KIF13B: variants seen among roughly 807,000 people sequenced by gnomAD.
KIF13B encodes kinesin-like protein KIF13B.
KIF13B carries 127 observed loss-of-function variants against 222.0 expected under a neutral mutation model. That is an observed-to-expected ratio of 0.57 (90% CI 0.50 to 0.66). The LOEUF is 0.66. Ranked by LOEUF, KIF13B falls within the 30% of genes least tolerant of loss-of-function variation. The pLI is 0.00. For missense variants in KIF13B, 2,173 were observed against 2,379.0 expected (o/e 0.91, Z 1.80); for synonymous variants, 976 against 919.0 (o/e 1.06, Z -1.12).
At chr8:29,183,174 T>TG (rs924618138) in intron 6 of KIF13B, among the ~76,000 whole-genome samples, 4 of 146,804 alleles carry the variant, frequency 2.7e-5, no homozygotes, top group Non-Finnish European at 4.4e-5. Flanking sequence ...GTTTGTTTTT[T>TG]TTTTTTTTTT....
intron 37 of KIF13B, among the ~76,000 whole-genome samples, chr8:29,088,580 A>G (rs1355391847): frequency 6.6e-6 from 1 of 152,160 alleles, no homozygotes; most frequent in Non-Finnish European, 1.5e-5. Context: ...AGTTTGTGAA[A>G]ATTGTGAAAA....
chr8:29,181,455 T>C (rs1295365241), intron 7 of KIF13B, among the ~76,000 whole-genome samples: 1 of 152,222 alleles, frequency 6.6e-6, no homozygotes, highest in Non-Finnish European at 1.5e-5. Flanking sequence ...CTCTGATACA[T>C]TTTTTTAATG....
intron 35 of KIF13B, among the ~76,000 whole-genome samples, chr8:29,107,926 T>C (rs1809168901): frequency 1.3e-5 from 2 of 152,130 alleles, no homozygotes; most frequent in African/African-American, 2.4e-5. Context: ...AGCAGAAAAA[T>C]TGTTTTTCAA....
At chr8:29,232,540 G>T (rs1375732996) in intron 2 of KIF13B, among the ~76,000 whole-genome samples, 7 of 151,780 alleles carry the variant, frequency 4.6e-5, no homozygotes, top group South Asian at 4.1e-4. Flanking sequence ...CAAAAATAAA[G>T]TTAGTCTTGC....
chr8:29,071,857 G>T lies in KIF13B; in HGVS notation c.4981C>A (p.Arg1661Ser), dbSNP rs755491671. The change falls in exon 39 of 40, where the codon CGC becomes AGC. Residue 1661 changes from arginine (R) to serine (S), a missense_variant. Arg to Ser is a moderately radical substitution (Grantham distance 110, BLOSUM62 -1). This residue lies in a region of KIF13B where 693 missense variants were observed against 656.2 expected (regional missense o/e 1.06). Coordinates refer to ENST00000524189, the MANE Select transcript of KIF13B (RefSeq NM_015254.4). This position sits in a 1 kb window ranked among gnomAD's most constrained non-coding sequence, Gnocchi z 4.9. Reference protein sequence around the residue: ...VRASELRSFSRMLAGDPGCSP... With the variant: ...VRASELRSFSSMLAGDPGCSP... ...CAGCCGGGGTCCCCAGCCAGCATGCGCGAGAAGGAGCGCAACTCCGAGGCC... is the reference window on the plus strand; with the variant it reads ...CAGCCGGGGTCCCCAGCCAGCATGCTCGAGAAGGAGCGCAACTCCGAGGCC... 2.9e-5 allele frequency: 45 copies of T among 1,536,846 alleles called. No individual in the cohort carries two copies. Among genetic ancestry groups the T allele is most frequent in the Non-Finnish European group, 3.6e-5 (41 of 1,145,796 alleles).
At position 29,167,469 on chromosome 8, in the gene KIF13B, T is replaced by C. The variant is rs1289072017; in HGVS notation, c.1062A>G (p.Val354=). 1 of 1,613,936 alleles carries C rather than the reference T, an allele frequency of 6.2e-7. No individual in the cohort carries two copies. Among genetic ancestry groups the C allele is most frequent in the South Asian group, 1.1e-5 (1 of 91,072 alleles). ...LRYADRAKHI[V]NHAVVNEDPN... ...GGTCCTCATTCACCACAGCGTGGTT[T>C]ACAATGTGCTTGGCTCGATCTGCAT... The change falls in exon 11 of 40, where the codon GTA becomes GTG. Residue 354 remains valine, a synonymous_variant. Transcript: ENST00000524189.
chr8:29,178,647 T>A (rs1208365510), intron 8 of KIF13B, among the ~76,000 whole-genome samples: 1 of 94,930 alleles, frequency 1.1e-5, no homozygotes, highest in Non-Finnish European at 2.5e-5. Context: ...AAAAGTACTT[T>A]TAGTTAAAAA....
intron 38 of KIF13B, among the ~76,000 whole-genome samples, chr8:29,073,494 T>A (rs1320226728): frequency 2.6e-5 from 4 of 152,206 alleles, no homozygotes; most frequent in African/African-American, 9.6e-5. Flanking sequence ...GGCTGCCAGA[T>A]CATCTTTCTA....
At chr8:29,091,158 C>G (rs1334002736) in intron 37 of KIF13B, among the ~76,000 whole-genome samples, 1 of 152,198 alleles carries the variant, frequency 6.6e-6, no homozygotes, top group African/African-American at 2.4e-5. Flanking sequence ...CTATATATTT[C>G]AAGGTAACCT....
At chr8:29,241,022 T>C (rs1294943331) in intron 2 of KIF13B, among the ~76,000 whole-genome samples, 2 of 152,180 alleles carry the variant, frequency 1.3e-5, no homozygotes, top group Non-Finnish European at 2.9e-5. Flanking sequence ...AACTGCATTA[T>C]CCATGAAGCC....
At chr8:29,235,691 C>T (rs993316027) in intron 2 of KIF13B, among the ~76,000 whole-genome samples, 3 of 152,108 alleles carry the variant, frequency 2.0e-5, no homozygotes, top group Non-Finnish European at 2.9e-5. Context: ...GTGGGATAAA[C>T]ATATAAAAGA....
chr8:29,160,374 C>T (rs1811721832), intron 13 of KIF13B, among the ~76,000 whole-genome samples: 1 of 152,146 alleles, frequency 6.6e-6, no homozygotes, highest in East Asian at 1.9e-4. Flanking sequence ...ACACTGCTCA[C>T]AAAAGAATGT....
Position 29,211,679 on chromosome 8 carries a change from G to GA in KIF13B, c.150-15481_150-15480insT, listed in dbSNP as rs1466602425. 2.0e-5 allele frequency among the ~76,000 whole-genome samples: 3 copies of GA among 152,348 alleles called. No homozygotes were observed. In the East Asian group the frequency reaches 5.8e-4, roughly 29 times the overall value. ...GAAACAACTAGTACTGAGGAAGCAT[G>GA]TGTAAGCTGGACAATTCCCAGAGCT... On this transcript the variant is annotated intron_variant, in intron 2 of 39. Coordinates refer to ENST00000524189, the MANE Select transcript of KIF13B (RefSeq NM_015254.4).
At chr8:29,090,364 T>G (rs1295535197) in intron 37 of KIF13B, among the ~76,000 whole-genome samples, 1 of 152,096 alleles carries the variant, frequency 6.6e-6, no homozygotes, top group East Asian at 1.9e-4. Flanking sequence ...GGAAACAGGT[T>G]TAAAAACAAA....
rs145715439 is a variant in KIF13B, at chr8:29,165,751, T to G, written c.1180A>C (p.Lys394Gln). 3.2e-4 allele frequency: 516 copies of G among 1,613,338 alleles called. 3 individuals carry two copies. The highest frequency in any genetic ancestry group is 3.7e-4 in the Non-Finnish European group (431 of 1,179,266). Reference protein sequence around the residue: ...KAEAMKSPELKDRLEESEKLI... With the variant: ...KAEAMKSPELQDRLEESEKLI... ...TTCTCAGATTCTTCCAGCCGGTCCT[T>G]TAGCTCTGGAGATTTCATTGCCTAC... The change falls in exon 12 of 40, where the codon AAG becomes CAG. Residue 394 changes from lysine (K) to glutamine (Q), a missense_variant. By Grantham distance (53) the Lys-to-Gln change is moderately conservative. Around this residue, in one of 2 missense-constraint regions of KIF13B, gnomAD observed 1,480 missense variants for 1,722.8 expected, o/e 0.86. Coordinates refer to ENST00000524189, the MANE Select transcript of KIF13B (RefSeq NM_015254.4).
At chr8:29,214,043 T>C (rs1563794976) in intron 2 of KIF13B, among the ~76,000 whole-genome samples, 2 of 152,280 alleles carry the variant, frequency 1.3e-5, no homozygotes, top group East Asian at 3.9e-4. Flanking sequence ...GTCTAGGGCA[T>C]TTACCATCAA....
At chr8:29,203,430 T>A (rs1401301594) in intron 2 of KIF13B, among the ~76,000 whole-genome samples, 10 of 152,220 alleles carry the variant, frequency 6.6e-5, no homozygotes, top group Non-Finnish European at 1.5e-5. Context: ...CCCTAGACAC[T>A]ATCTTTCTTA....
chr8:29,205,203 A>T lies in KIF13B; in HGVS notation c.150-9004T>A, dbSNP rs73224680. Among the ~76,000 whole-genome samples, 653 of 118,278 alleles carry T rather than the reference A, an allele frequency of 5.5e-3. 1 individual carries two copies. Among genetic ancestry groups the T allele is most frequent in the African/African-American group, 0.017 (599 of 35,388 alleles). 77.6% of individuals were successfully genotyped at this position (118,278 alleles called of 152,430 possible). A position where few individuals can be genotyped will look rare whatever the true frequency, so the allele number is the denominator to read the frequency against. On this transcript the variant is annotated intron_variant, in intron 2 of 39. Transcript: ENST00000524189. ...ACCCTGTCACCAAAAAAGTTTTTTTAAAAAAAAGGTCCACAAGCATTTTGT... is the reference window on the plus strand; with the variant it reads ...ACCCTGTCACCAAAAAAGTTTTTTTTAAAAAAAGGTCCACAAGCATTTTGT...
chr8:29,150,374 T>C lies in KIF13B; in HGVS notation c.1545A>G (p.Val515=), dbSNP rs1188410093. The C allele has an allele frequency of 6.4e-7, 1 of 1,563,552 alleles. No individual in the cohort carries two copies. The highest frequency in any genetic ancestry group is 1.1e-5 in the South Asian group (1 of 87,666). ...TTGGACTGGAGACAGATGACCCATT[T>C]ACAAATGTTCTGTAAGGAGAAGAGA... The part of the protein sequence containing the change: ...LTPQKNTRTF[V]NGSSVSSPIQ... The change falls in exon 15 of 40, where the codon GTA becomes GTG. Residue 515 remains valine, a synonymous_variant. Coordinates refer to ENST00000524189, the MANE Select transcript of KIF13B (RefSeq NM_015254.4).
Sources: gnomAD v4.1 joint callset for allele counts (sites outside exome capture counted in the v4.1 genomes callset) on GRCh38, gnomAD v4.1.1 for gene constraint, gnomAD v4.1.1 regional missense constraint, Gnocchi (gnomAD v3.1) non-coding constraint, MANE v1.5 for transcripts, NCBI Gene and HGNC (gene_info 2026-07-23, HGNC 2026-07-21) for gene names.